RAPGEF6: variants seen among roughly 807,000 people sequenced by gnomAD.
RAPGEF6 encodes Rap guanine nucleotide exchange factor 6, also known as PDZ domain containing guanine nucleotide exchange factor (GEF) 2.
A neutral mutation model predicts 171.4 loss-of-function variants in RAPGEF6; 56 were observed. The ratio of observed to expected loss-of-function variants is 0.33; its 90% CI spans 0.26 to 0.41. The LOEUF (loss-of-function observed/expected upper bound fraction) is 0.41. RAPGEF6 is among the 10% of genes least tolerant of loss of function. The pLI is 1.00. For synonymous variants in RAPGEF6, 692 were observed against 650.1 expected (o/e 1.06, Z -0.98); for missense variants, 1,674 against 1,921.4 (o/e 0.87, Z 2.41).
intron 4 of RAPGEF6, among the ~76,000 whole-genome samples, chr5:131,563,871 T>G (rs936503835): frequency 1.3e-5 from 2 of 152,162 alleles, no homozygotes; most frequent in Non-Finnish European, 2.9e-5. Context: ...TATCACCTAA[T>G]ACATTTAAAA....
At chr5:131,578,666 A>G (rs1762745005) in intron 4 of RAPGEF6, among the ~76,000 whole-genome samples, 1 of 152,130 alleles carries the variant, frequency 6.6e-6, no homozygotes, top group African/African-American at 2.4e-5. Context: ...GAATCCCTTT[A>G]GGCAAACTTC....
intron 12 of RAPGEF6, among the ~76,000 whole-genome samples, chr5:131,497,461 T>C (rs915922975): frequency 6.6e-6 from 1 of 152,224 alleles, no homozygotes; most frequent in African/African-American, 2.4e-5. Flanking sequence ...CATGATAATC[T>C]ACCCCTATCT....
intron 1 of RAPGEF6, among the ~76,000 whole-genome samples, chr5:131,614,142 C>T (rs1972417): frequency 0.074 from 11,299 of 151,790 alleles, 860 homozygotes; most frequent in African/African-American, 0.2. Flanking sequence ...ATTAGCTGAG[C>T]GTGGTGGCAG....
At chr5:131,578,545 T>C (rs922806835) in intron 4 of RAPGEF6, among the ~76,000 whole-genome samples, 5 of 152,298 alleles carry the variant, frequency 3.3e-5, no homozygotes, top group African/African-American at 1.2e-4. Context: ...CATCTACTTA[T>C]GGCACCTTTC....
intron 6 of RAPGEF6, among the ~76,000 whole-genome samples, chr5:131,538,185 A>T (rs1273097686): frequency 6.6e-6 from 1 of 152,230 alleles, no homozygotes; most frequent in Non-Finnish European, 1.5e-5. Flanking sequence ...TTTACACTGT[A>T]TTAGGTATTA....
intron 1 of RAPGEF6, among the ~76,000 whole-genome samples, chr5:131,617,307 C>CAA (rs34573679): frequency 6.7e-6 from 1 of 150,000 alleles, no homozygotes; most frequent in African/African-American, 2.5e-5. Flanking sequence ...CACACACACA[C>CAA]AAAAAAAAAC....
chr5:131,458,581 G>T (rs1753686560), intron 19 of RAPGEF6, among the ~76,000 whole-genome samples: 1 of 152,226 alleles, frequency 6.6e-6, no homozygotes, highest in African/African-American at 2.4e-5. Context: ...AAGAGCCATT[G>T]TTACAAAGCT....
At chr5:131,470,572 T>C (rs1277338639) in intron 17 of RAPGEF6, among the ~76,000 whole-genome samples, 1 of 152,238 alleles carries the variant, frequency 6.6e-6, no homozygotes, top group African/African-American at 2.4e-5. Context: ...AGATCCCTAA[T>C]ACTTGTCTCA....
At chr5:131,467,222 G>A (rs1754417871) in intron 17 of RAPGEF6, among the ~76,000 whole-genome samples, 1 of 152,214 alleles carries the variant, frequency 6.6e-6, no homozygotes, top group Non-Finnish European at 1.5e-5. Flanking sequence ...GCTGCATAGT[G>A]TTACAAAGTC....
At chr5:131,560,066 C>T (rs1761498700) in intron 5 of RAPGEF6, among the ~76,000 whole-genome samples, 1 of 151,968 alleles carries the variant, frequency 6.6e-6, no homozygotes, top group Non-Finnish European at 1.5e-5. Context: ...TCTCCTATAA[C>T]TCATAAAGCA....
chr5:131,436,190 T>A, intron 24 of RAPGEF6: 3 of 1,537,732 alleles, frequency 2.0e-6, no homozygotes, highest in Middle Eastern at 1.7e-4. Flanking sequence ...AACGGGGATG[T>A]CATTCTTTTT....
intron 9 of RAPGEF6, 141 bp from the exon 10 acceptor site, chr5:131,505,663 C>T: frequency 1.4e-6 from 1 of 704,828 alleles, no homozygotes; most frequent in Non-Finnish European, 2.3e-6. Context: ...CACTCTGTAA[C>T]ACCCTATGCT....
In RAPGEF6 at chr5:131,482,684, T is replaced by A. The variant is rs186375079; in HGVS notation, c.1841-2931A>T. Among the ~76,000 whole-genome samples, 244 of 152,310 alleles carry A rather than the reference T, an allele frequency of 1.6e-3. 1 individual carries two copies. The highest frequency in any genetic ancestry group is 5.7e-3 in the African/African-American group (235 of 41,558). On this transcript the variant is annotated intron_variant, in intron 15 of 27. Transcript: ENST00000509018. ...ATAGGTCAGGCACTTCACTTGATGTTTGTATATTACTACTGTTGTGGAACT... is the reference window on the plus strand; with the variant it reads ...ATAGGTCAGGCACTTCACTTGATGTATGTATATTACTACTGTTGTGGAACT...
intron 23 of RAPGEF6, among the ~76,000 whole-genome samples, chr5:131,441,249 T>C (rs1752365167): frequency 6.6e-6 from 1 of 152,226 alleles, no homozygotes; most frequent in Non-Finnish European, 1.5e-5. Flanking sequence ...AAATACCACT[T>C]ATCTTGTGGC....
intron 21 of RAPGEF6, among the ~76,000 whole-genome samples, chr5:131,451,169 T>C (rs1304732783): frequency 6.6e-6 from 1 of 152,222 alleles, no homozygotes; most frequent in Non-Finnish European, 1.5e-5. Context: ...TTACATGTAG[T>C]GATTTTCAAG....
intron 17 of RAPGEF6, among the ~76,000 whole-genome samples, chr5:131,469,402 T>A: frequency 6.6e-6 from 1 of 152,266 alleles, no homozygotes; most frequent in Non-Finnish European, 1.5e-5. Flanking sequence ...TTAAGTTTAC[T>A]ATATGAAATA....
chr5:131,501,253 C>T (rs929575507), intron 11 of RAPGEF6, among the ~76,000 whole-genome samples: 15 of 151,742 alleles, frequency 9.9e-5, no homozygotes, highest in Non-Finnish European at 1.8e-4. Context: ...CAAGAGTTGC[C>T]TGAACCCAGG....
chr5:131,437,871 G>C (rs1044335745), intron 24 of RAPGEF6, among the ~76,000 whole-genome samples: 1 of 152,048 alleles, frequency 6.6e-6, no homozygotes, highest in African/African-American at 2.4e-5. Context: ...CACACATGAG[G>C]CTTTATAAAT....
intron 5 of RAPGEF6, among the ~76,000 whole-genome samples, chr5:131,553,185 G>A (rs1335613011): frequency 6.6e-6 from 1 of 152,102 alleles, no homozygotes; most frequent in Non-Finnish European, 1.5e-5. Context: ...GCACAGAGAA[G>A]GCCTAAAACT....
Sources: allele counts gnomAD v4.1 joint callset (sites outside exome capture counted in the v4.1 genomes callset), GRCh38; gene constraint gnomAD v4.1.1; transcripts MANE v1.5; gene names NCBI Gene and HGNC (gene_info 2026-07-23, HGNC 2026-07-21).